GAL3ST2: variants seen among roughly 807,000 people sequenced by gnomAD.
The protein encoded by GAL3ST2 is beta-galactose-3-O-sulfotransferase 2.
A neutral mutation model predicts 12.9 loss-of-function variants in GAL3ST2; 16 were observed. The observed-to-expected ratio is 1.24, with a 90% confidence interval of 0.84 to 1.88. The LOEUF is 1.88. Among genes scored for constraint, GAL3ST2 ranks in the 40% most tolerant of loss-of-function variants. The pLI, the probability that GAL3ST2 is intolerant of heterozygous loss-of-function variation, is 0.00. For missense variants in GAL3ST2, 639 were observed against 571.8 expected (o/e 1.12, Z -1.20); for synonymous variants, 302 against 273.9 (o/e 1.10, Z -1.01).
chr2:241,799,012 G>A (rs77028102), intron 1 of GAL3ST2, 53 bp from the exon 2 acceptor site: 67,888 of 1,418,662 alleles, frequency 0.048, 1,959 homozygotes, highest in African/African-American at 0.066. Context: ...TGGGAGGTGG[G>A]GGTGGGGCTG....
chr2:241,777,002 A>AC lies in GAL3ST2; in HGVS notation c.29+24dup, dbSNP rs777106094. 1.3e-6 allele frequency: 2 copies of AC among 1,507,190 alleles called. No homozygotes were observed. Among genetic ancestry groups the AC allele is most frequent in the South Asian group, 1.3e-5 (1 of 77,020 alleles). 93.4% of individuals were successfully genotyped at this position (1,507,190 alleles called of 1,614,324 possible). On this transcript the variant is annotated intron_variant, in intron 1 of 3. Coordinates refer to ENST00000192314, the MANE Select transcript of GAL3ST2 (RefSeq NM_022134.3). ...TTGCAGAGGTAAGGGGGGCAGTTGG[A>AC]CCCCCCAGGTGGACAAAGCGCTTCA...
chr2:241,804,090 T>G lies in GAL3ST2; in HGVS notation c.1121T>G (p.Leu374Arg). 6.5e-7 allele frequency: 1 copy of G among 1,534,958 alleles called. No individual in the cohort carries two copies. The highest frequency in any genetic ancestry group is 8.8e-7 in the Non-Finnish European group (1 of 1,141,060). Residue 374 changes from leucine (L) to arginine (R), a missense_variant, in exon 4 of 4, where the codon CTC becomes CGC. Physicochemically the swap from Leu to Arg is moderately radical, Grantham distance 102. Transcript: ENST00000192314. ...GVCQRLVMPELQYMARLYALQ... is the reference protein window; with the variant it reads ...GVCQRLVMPERQYMARLYALQ... ...TGCCAGAGGCTTGTGATGCCTGAGCTCCAGTACATGGCCCGCCTGTACGCC... is the reference window on the plus strand; with the variant it reads ...TGCCAGAGGCTTGTGATGCCTGAGCGCCAGTACATGGCCCGCCTGTACGCC...
intron 1 of GAL3ST2, among the ~76,000 whole-genome samples, chr2:241,787,533 TCTC>T (rs771769168): frequency 8.0e-6 from 1 of 124,514 alleles, no homozygotes; most frequent in East Asian, 2.3e-4. Flanking sequence ...CTGTACAACT[TCTC>T]CTCCTTTTTT....
At chr2:241,791,930 C>G (rs901011721) in intron 1 of GAL3ST2, among the ~76,000 whole-genome samples, 8 of 151,744 alleles carry the variant, frequency 5.3e-5, no homozygotes, top group Non-Finnish European at 1.0e-4. Flanking sequence ...TCCTTGGCTA[C>G]AAGTCTTCAA....
rs374575935 is a variant in GAL3ST2, at chr2:241,802,081, T to A, written c.375+45T>A. ...GAGGAGGGCGGGCTGCAGCCGTGCC[T>A]GTGGCTGTGGGTCTGGGTGGTGTAG... is the stretch of plus-strand genomic sequence containing the variant. On this transcript the variant is annotated intron_variant, in intron 3 of 3. Coordinates refer to ENST00000192314, the MANE Select transcript of GAL3ST2 (RefSeq NM_022134.3). The surrounding 1 kb of genome is among the most constrained non-coding windows in gnomAD (Gnocchi z 4.8). The A allele has an allele frequency of 5.1e-6, 8 of 1,557,968 alleles. No homozygotes were observed. The highest frequency in any genetic ancestry group is 1.2e-5 in the South Asian group (1 of 83,710).
At chr2:241,781,333 T>C (rs1342121539) in intron 1 of GAL3ST2, among the ~76,000 whole-genome samples, 1 of 152,170 alleles carries the variant, frequency 6.6e-6, no homozygotes, top group Non-Finnish European at 1.5e-5. Context: ...TTCATGAACA[T>C]TTCAGCTCTC....
In GAL3ST2 at chr2:241,803,870, C is replaced by T; in HGVS notation, c.901C>T (p.Arg301Trp). 2 of 1,424,114 alleles carry T rather than the reference C, an allele frequency of 1.4e-6. No homozygotes were observed. The highest frequency in any genetic ancestry group is 5.9e-5 in the East Asian group (2 of 33,734). The allele number at this position is 1,424,114 out of a possible 1,614,324, so 88.2% of individuals were successfully genotyped here. A position where few individuals can be genotyped will look rare whatever the true frequency, so the allele number is the denominator to read the frequency against. ...GCAGCTGCGCGCCGAGCTGGGGCCG[C>T]GGCGGCTGCGCGGGGAGGTGGAGCG... ...WAQLRAELGP[R>W]RLRGEVERLR... The change falls in exon 4 of 4, where the codon CGG becomes TGG. Residue 301 changes from arginine (R) to tryptophan (W), a missense_variant. Transcript: ENST00000192314.
rs1411413266 is a variant in GAL3ST2 at position 241,801,861 on chromosome 2, T to C, written c.200T>C (p.Val67Ala). Residue 67 changes from valine (V) to alanine (A), a missense_variant, in exon 3 of 4, where the codon GTG becomes GCG. Val to Ala is a moderately conservative substitution (Grantham distance 64, BLOSUM62 0). Coordinates refer to ENST00000192314, the MANE Select transcript of GAL3ST2 (RefSeq NM_022134.3). This position sits in a 1 kb window ranked among gnomAD's most constrained non-coding sequence, Gnocchi z 4.4. ...ACGCACAAGACGGCCAGCAGCACGG[T>C]GCTCAACATCCTCTACCGCTTCGCC... Reference protein sequence around the residue: ...LKTHKTASSTVLNILYRFAET... With the variant: ...LKTHKTASSTALNILYRFAET... 3.9e-5 allele frequency: 63 copies of C among 1,612,802 alleles called. No homozygotes were observed. Among genetic ancestry groups the C allele is most frequent in the Non-Finnish European group, 5.3e-5 (62 of 1,179,944 alleles).
At chr2:241,799,424 G>A (rs1223164057) in intron 2 of GAL3ST2, among the ~76,000 whole-genome samples, 2 of 152,244 alleles carry the variant, frequency 1.3e-5, no homozygotes, top group Non-Finnish European at 2.9e-5. Context: ...GTGTGTGGGA[G>A]GCAGGGCTGG....
At position 241,802,451 on chromosome 2, in the gene GAL3ST2, G is replaced by A. The variant is rs1015539121; in HGVS notation, c.375+415G>A. Among the ~76,000 whole-genome samples, 2 of 152,294 alleles carry A rather than the reference G, an allele frequency of 1.3e-5. No homozygotes were observed. Among genetic ancestry groups the A allele is most frequent in the Admixed American group, 1.3e-4 (2 of 15,304 alleles). ...CCTGACCTTCCTTACAAAGGAAGCA[G>A]GGCAGGGAGTGTGGGTGGGAGGGCT... On this transcript the variant is annotated intron_variant, in intron 3 of 3. Transcript: ENST00000192314. The surrounding 1 kb of genome is among the most constrained non-coding windows in gnomAD (Gnocchi z 4.8).
intron 1 of GAL3ST2, among the ~76,000 whole-genome samples, chr2:241,777,716 G>A (rs1039541816): frequency 4.6e-5 from 7 of 152,290 alleles, no homozygotes; most frequent in East Asian, 1.9e-4. Flanking sequence ...AGGACACCCC[G>A]TCACAGGGCT....
At position 241,793,359 on chromosome 2, in the gene GAL3ST2, TTG is replaced by T. The variant is rs370489717; in HGVS notation, c.30-5698_30-5697del. ...ATGTATCTGTATGTATGTGTGTGTATTGTGTGTGTATGTATGTATTGTGTATG... is the reference window on the plus strand; with the variant it reads ...ATGTATCTGTATGTATGTGTGTGTATTGTGTGTATGTATGTATTGTGTATG... On this transcript the variant is annotated intron_variant, in intron 1 of 3. Transcript: ENST00000192314. The surrounding 1 kb of genome is among the most constrained non-coding windows in gnomAD (Gnocchi z 4.7). Among the ~76,000 whole-genome samples the T allele has an allele frequency of 2.1e-3, 313 of 152,040 alleles. No individual in the cohort carries two copies. The highest frequency in any genetic ancestry group is 7.3e-3 in the African/African-American group (301 of 41,484).
rs138768829 is a variant in GAL3ST2, at chr2:241,799,118, C to T, written c.83C>T (p.Ala28Val). The T allele has an allele frequency of 5.0e-6, 8 of 1,613,810 alleles. No homozygotes were observed. Among genetic ancestry groups the T allele is most frequent in the Non-Finnish European group, 6.8e-6 (8 of 1,180,020 alleles). ...LLLALTLLLL[A>V]GFLHSDLELD... ...CTGGCCCTGACTCTGCTCCTGCTGGCCGGATTCCTGCACTCGGACTTAGAG... is the reference window on the plus strand; with the variant it reads ...CTGGCCCTGACTCTGCTCCTGCTGGTCGGATTCCTGCACTCGGACTTAGAG... Residue 28 changes from alanine (A) to valine (V), a missense_variant, in exon 2 of 4, where the codon GCC becomes GTC. Ala to Val is a moderately conservative substitution (Grantham distance 64, BLOSUM62 0). Coordinates refer to ENST00000192314, the MANE Select transcript of GAL3ST2 (RefSeq NM_022134.3).
In GAL3ST2 at chr2:241,801,927, G is replaced by A. The variant is rs1343893552; in HGVS notation, c.266G>A (p.Arg89His). Residue 89 changes from arginine to histidine, a missense_variant, in exon 3 of 4, where the codon CGC (arginine) becomes CAC (histidine). Coordinates refer to ENST00000192314, the MANE Select transcript of GAL3ST2 (RefSeq NM_022134.3). This position sits in a 1 kb window ranked among gnomAD's most constrained non-coding sequence, Gnocchi z 4.4. ...TCCGTGGCGCTGCCCGCCGGCTCAC[G>A]CGTCCACCTGGGCTACCCCTGGCTC... is the stretch of plus-strand genomic sequence containing the variant. Reference protein sequence around the residue: ...NLSVALPAGSRVHLGYPWLFL... With the variant: ...NLSVALPAGSHVHLGYPWLFL... 5.0e-6 allele frequency: 8 copies of A among 1,612,882 alleles called. No homozygotes were observed. The highest frequency in any genetic ancestry group is 2.7e-5 in the African/African-American group (2 of 74,920).
In GAL3ST2 at chr2:241,804,114, C is replaced by T; in HGVS notation, c.1145C>T (p.Ala382Val). The change falls in exon 4 of 4, where the codon GCC (alanine) becomes GTC (valine). Residue 382 changes from alanine (A) to valine (V), a missense_variant. Physicochemically the swap from Ala to Val is moderately conservative, Grantham distance 64. Transcript: ENST00000192314. ...CTCCAGTACATGGCCCGCCTGTACGCCCTGCAGTTCCCGGAGAAGCCCCTC... is the reference window on the plus strand; with the variant it reads ...CTCCAGTACATGGCCCGCCTGTACGTCCTGCAGTTCCCGGAGAAGCCCCTC... ...PELQYMARLY[A>V]LQFPEKPLKN... 6.7e-7 allele frequency: 1 copy of T among 1,503,452 alleles called. No homozygotes were observed. Among genetic ancestry groups the T allele is most frequent in the Non-Finnish European group, 8.9e-7 (1 of 1,125,438 alleles). The allele number at this position is 1,503,452 out of a possible 1,614,324, so 93.1% of individuals were successfully genotyped here.
At chr2:241,797,598 G>A (rs1039939131) in intron 1 of GAL3ST2, among the ~76,000 whole-genome samples, 1 of 147,902 alleles carries the variant, frequency 6.8e-6, no homozygotes, top group African/African-American at 2.6e-5. Flanking sequence ...AGCCAGCCCA[G>A]CCCTCCCCGC....
At chr2:241,778,727 C>G (rs1699524499) in intron 1 of GAL3ST2, among the ~76,000 whole-genome samples, 1 of 152,134 alleles carries the variant, frequency 6.6e-6, no homozygotes, top group African/African-American at 2.4e-5. Context: ...AGGGCACAGT[C>G]TGGCTTTATA....
chr2:241,803,602 C>T lies in GAL3ST2; in HGVS notation c.633C>T (p.Arg211=), dbSNP rs767064233. Residue 211 remains arginine, a synonymous_variant, in exon 4 of 4, where the codon CGC becomes CGT. Coordinates refer to ENST00000192314, the MANE Select transcript of GAL3ST2 (RefSeq NM_022134.3). ...CGCAGTGCGAGGAGGGCTACGTGCG[C>T]GCGCGCATCGCCGAGGTGGAGCGGC... ...PNAQCEEGYV[R]ARIAEVERRF... The T allele has an allele frequency of 1.1e-5, 17 of 1,568,370 alleles. No homozygotes were observed. In the African/African-American group the frequency reaches 2.0e-4, roughly 19 times the overall value.
intron 1 of GAL3ST2, among the ~76,000 whole-genome samples, chr2:241,778,745 G>A (rs930865774): frequency 6.6e-6 from 1 of 152,154 alleles, no homozygotes; most frequent in African/African-American, 2.4e-5. Flanking sequence ...ATACATTGTA[G>A]GGAGACATGA....
Sources: allele counts gnomAD v4.1 joint callset (sites outside exome capture counted in the v4.1 genomes callset), GRCh38; gene constraint gnomAD v4.1.1; non-coding constraint Gnocchi (gnomAD v3.1); transcripts MANE v1.5; gene names NCBI Gene and HGNC (gene_info 2026-07-23, HGNC 2026-07-21).